Variants in ATP8B1 observed in about 807,000 individuals in gnomAD.
The protein encoded by ATP8B1 is ATPase phospholipid transporting 8B1.
Under a neutral mutation model 149.9 loss-of-function variants are expected in ATP8B1, and 80 were observed. The observed-to-expected ratio is 0.53, with a 90% confidence interval of 0.45 to 0.64. The LOEUF (loss-of-function observed/expected upper bound fraction) is 0.64, where lower values mean the gene tolerates loss of function less well. ATP8B1 is among the 30% of genes least tolerant of loss of function. The pLI is 0.00. For synonymous variants in ATP8B1, 536 were observed against 562.8 expected (o/e 0.95, Z 0.67); for missense variants, 1,247 against 1,552.6 (o/e 0.80, Z 3.31).
At chr18:57,681,842 C>A (rs1375601292) in intron 15 of ATP8B1, among the ~76,000 whole-genome samples, 3 of 150,722 alleles carry the variant, frequency 2.0e-5, no homozygotes, top group Non-Finnish European at 4.4e-5. Context: ...CCCAAGGTCC[C>A]TTTCAAGGGA....
intron 2 of ATP8B1, among the ~76,000 whole-genome samples, chr18:57,707,153 AG>A (rs1913444357): frequency 1.3e-5 from 2 of 152,136 alleles, no homozygotes; most frequent in Admixed American, 1.3e-4. Context: ...AAAAATAGCC[AG>A]GTGCAGTGGC....
chr18:57,784,918 A>G lies in ATP8B1; in HGVS notation c.-26+18080T>C, dbSNP rs1440829281. Among the ~76,000 whole-genome samples the G allele has an allele frequency of 1.3e-5, 2 of 152,200 alleles. No individual in the cohort carries two copies. The highest frequency in any genetic ancestry group is 2.9e-5 in the Non-Finnish European group (2 of 68,028). On this transcript the variant is annotated intron_variant, in intron 1 of 27. Transcript: ENST00000648908. This position sits in a 1 kb window ranked among gnomAD's most constrained non-coding sequence, Gnocchi z 4.4. ...ATTGTGACAACTTAAAATGTTCCCC[A>G]GGGAGCAAAAGTCACATCTGGTTGA...
At chr18:57,796,138 A>G (rs1482281717) in intron 1 of ATP8B1, among the ~76,000 whole-genome samples, 3 of 152,244 alleles carry the variant, frequency 2.0e-5, no homozygotes, top group Non-Finnish European at 4.4e-5. Flanking sequence ...ACTGCATTCC[A>G]GCCTGCATGA....
intron 1 of ATP8B1, among the ~76,000 whole-genome samples, chr18:57,779,350 A>C (rs2080338064): frequency 6.6e-6 from 1 of 151,568 alleles, no homozygotes; most frequent in African/African-American, 2.4e-5. Context: ...GGAGAAGGAG[A>C]AGAAGAAAGA....
chr18:57,760,874 A>G (rs1261477359), intron 1 of ATP8B1, among the ~76,000 whole-genome samples: 2 of 151,944 alleles, frequency 1.3e-5, no homozygotes, highest in Non-Finnish European at 2.9e-5. Flanking sequence ...CTGTAGTCCC[A>G]GCTACTCCAG....
In ATP8B1 at chr18:57,652,607, G is replaced by C. The variant is rs754347552; in HGVS notation, c.3138C>G (p.Ile1046Met). Residue 1046 changes from isoleucine (I) to methionine (M), a missense_variant, in exon 25 of 28, where the codon ATC becomes ATG. Transcript: ENST00000648908. ...AAGCTCCAAGAGGTATGAAGAAGAGGATCATCGATGTTAGGACCCCATGCA... is the reference window on the plus strand; with the variant it reads ...AAGCTCCAAGAGGTATGAAGAAGAGCATCATCGATGTTAGGACCCCATGCA... ...SLLHGVLTSM[I>M]LFFIPLGAYL... The C allele has an allele frequency of 1.2e-6, 2 of 1,614,002 alleles. No homozygotes were observed.
At chr18:57,738,451 C>T (rs534134766) in intron 1 of ATP8B1, among the ~76,000 whole-genome samples, 8 of 152,198 alleles carry the variant, frequency 5.3e-5, no homozygotes, top group South Asian at 4.1e-4. Flanking sequence ...GGTGAAACTC[C>T]GTCCCTATTA....
intron 1 of ATP8B1, among the ~76,000 whole-genome samples, chr18:57,797,983 C>T (rs1224267090): frequency 6.6e-6 from 1 of 152,114 alleles, no homozygotes; most frequent in African/African-American, 2.4e-5. Context: ...GGATTACAGG[C>T]ATGAGCCACC....
intron 1 of ATP8B1, among the ~76,000 whole-genome samples, chr18:57,773,627 G>T (rs1304318359): frequency 1.3e-5 from 2 of 152,160 alleles, no homozygotes; most frequent in Non-Finnish European, 2.9e-5. Flanking sequence ...CAAACTTCAA[G>T]TGTCTACTCA....
intron 8 of ATP8B1, 146 bp from the exon 9 acceptor site, chr18:57,695,678 A>G: frequency 1.4e-6 from 1 of 726,872 alleles, no homozygotes; most frequent in Non-Finnish European, 2.4e-6. Context: ...TCACCTTGGA[A>G]CTTCAGGTTT....
At chr18:57,774,717 T>A (rs1599224695) in intron 1 of ATP8B1, among the ~76,000 whole-genome samples, 1 of 152,226 alleles carries the variant, frequency 6.6e-6, no homozygotes, top group Non-Finnish European at 1.5e-5. Context: ...TACAGTACAA[T>A]GTACGGTAAC....
At chr18:57,787,580 TC>T (rs2080422409) in intron 1 of ATP8B1, among the ~76,000 whole-genome samples, 1 of 152,208 alleles carries the variant, frequency 6.6e-6, no homozygotes, top group African/African-American at 2.4e-5. Flanking sequence ...GAGTGTTGGC[TC>T]CGCTATACCA....
intron 15 of ATP8B1, among the ~76,000 whole-genome samples, chr18:57,677,775 G>T (rs1021970115): frequency 6.6e-6 from 1 of 152,060 alleles, no homozygotes; most frequent in Non-Finnish European, 1.5e-5. Flanking sequence ...AATCAGCAGC[G>T]GTGAGAACAA....
At chr18:57,679,395 TA>T (rs971961334) in intron 15 of ATP8B1, among the ~76,000 whole-genome samples, 6 of 152,114 alleles carry the variant, frequency 3.9e-5, no homozygotes, top group African/African-American at 1.4e-4. Flanking sequence ...ATTGAAGGTG[TA>T]AAAACAAACT....
chr18:57,709,879 C>T (rs944472184), intron 2 of ATP8B1, among the ~76,000 whole-genome samples: 3 of 151,996 alleles, frequency 2.0e-5, no homozygotes, highest in African/African-American at 7.2e-5. Flanking sequence ...AGGGTTTCAC[C>T]ATATTGATCA....
intron 1 of ATP8B1, among the ~76,000 whole-genome samples, chr18:57,772,746 C>G (rs1976586): frequency 0.69 from 105,425 of 151,958 alleles, 37,580 homozygotes; most frequent in East Asian, 0.93. Context: ...ACAGAAGCCT[C>G]TCTGCTGTGA....
chr18:57,723,215 TC>T (rs1283365909), intron 2 of ATP8B1, among the ~76,000 whole-genome samples: 2 of 143,582 alleles, frequency 1.4e-5, no homozygotes, highest in Non-Finnish European at 3.0e-5. Context: ...CTCTCACCAC[TC>T]CTATTCAACA....
intron 12 of ATP8B1, chr18:57,688,719 GC>G: frequency 1.7e-6 from 1 of 580,956 alleles, no homozygotes; most frequent in Non-Finnish European, 3.1e-6. Flanking sequence ...GGTCATGAGG[GC>G]TCCACCCTTA....
chr18:57,776,672 T>G (rs2080308080), intron 1 of ATP8B1, among the ~76,000 whole-genome samples: 1 of 148,598 alleles, frequency 6.7e-6, no homozygotes, highest in African/African-American at 2.5e-5. Flanking sequence ...TAAAAGTGAC[T>G]GGAACCAAGT....
Sources: allele counts gnomAD v4.1 joint callset (sites outside exome capture counted in the v4.1 genomes callset), GRCh38; gene constraint gnomAD v4.1.1; non-coding constraint Gnocchi (gnomAD v3.1); transcripts MANE v1.5; gene names NCBI Gene and HGNC (gene_info 2026-07-23, HGNC 2026-07-21).